MKNK2: variants seen among roughly 807,000 people sequenced by gnomAD.
MKNK2 encodes the protein MAPK interacting serine/threonine kinase 2.
MKNK2 carries 54 observed loss-of-function variants against 55.0 expected under a neutral mutation model. That is an observed-to-expected ratio of 0.98 (90% CI 0.79 to 1.23). The LOEUF is 1.23. MKNK2 is among the 50% of genes most tolerant of loss of function. The pLI is 0.00. For missense variants in MKNK2, 685 were observed against 632.1 expected (o/e 1.08, Z -0.90); for synonymous variants, 323 against 256.0 (o/e 1.26, Z -2.50).
chr19:2,040,124 C>A lies in MKNK2; in HGVS notation c.1154+10G>T. 1 of 1,588,014 alleles carries A rather than the reference C, an allele frequency of 6.3e-7. No individual in the cohort carries two copies. ...GACTCAGGGGTCCCGAGCACCCCTG[C>A]GGGCCTTACCTCTGCAGGACCATGG... On this transcript the variant is annotated intron_variant, in intron 13 of 13. Transcript: ENST00000250896.
At chr19:2,049,343 A>G (rs140999498) in intron 2 of MKNK2, among the ~76,000 whole-genome samples, 1 of 152,288 alleles carries the variant, frequency 6.6e-6, no homozygotes, top group African/African-American at 2.4e-5. Context: ...GGTGGCCCCA[A>G]TCCAGGGAGC....
chr19:2,037,951 G>T lies in MKNK2; in HGVS notation c.*1662C>A. On this transcript the variant is annotated 3_prime_UTR_variant, in exon 14 of 14. Coordinates refer to ENST00000250896, the MANE Select transcript of MKNK2 (RefSeq NM_199054.3). Reference sequence around the variant, plus strand: ...ATTTGCTTGTTCTTTGATACAAAAAGGCAGAGAATCCCCCGTTACGAAACA... The same window carrying T: ...ATTTGCTTGTTCTTTGATACAAAAATGCAGAGAATCCCCCGTTACGAAACA... 3 of 1,390,828 alleles carry T rather than the reference G, an allele frequency of 2.2e-6. No individual in the cohort carries two copies. In the South Asian group the frequency reaches 5.0e-5, roughly 23 times the overall value. 86.2% of individuals were successfully genotyped at this position (1,390,828 alleles called of 1,614,324 possible).
chr19:2,047,087 A>C (rs1271101284), intron 2 of MKNK2, among the ~76,000 whole-genome samples: 2 of 152,222 alleles, frequency 1.3e-5, no homozygotes, highest in Non-Finnish European at 2.9e-5. Context: ...GGTGTGGGCC[A>C]CATGTGGAAG....
intron 2 of MKNK2, among the ~76,000 whole-genome samples, chr19:2,049,002 C>G (rs377423182): frequency 6.6e-6 from 1 of 152,186 alleles, no homozygotes; most frequent in African/African-American, 2.4e-5. Flanking sequence ...GCCCCCAACT[C>G]GTGGGAGCTC....
chr19:2,040,651 C>T (rs1861152), intron 12 of MKNK2: 44,551 of 289,352 alleles, frequency 0.15, 3,768 homozygotes, highest in Admixed American at 0.18. Context: ...GAGAAACACC[C>T]GACTCCTCCT....
rs979768773 is a variant in MKNK2, at chr19:2,039,473, AC to A, written c.*139del. The A allele has an allele frequency of 2.1e-6, 3 of 1,401,790 alleles. No individual in the cohort carries two copies. Among genetic ancestry groups the A allele is most frequent in the South Asian group, 1.7e-5 (1 of 60,250 alleles). The allele number at this position is 1,401,790 out of a possible 1,614,324, so 86.8% of individuals were successfully genotyped here. Reference sequence around the variant, plus strand: ...CAAAAGCAAAAACCTTCTATAAAACACCCCCCTCAGCTGAGCTTAGTGCCTG... The same window carrying A: ...CAAAAGCAAAAACCTTCTATAAAACACCCCCTCAGCTGAGCTTAGTGCCTG... On this transcript the variant is annotated 3_prime_UTR_variant, in exon 14 of 14. Transcript: ENST00000250896.
chr19:2,041,341 G>T, intron 11 of MKNK2, 137 bp from the exon 12 acceptor site: 1 of 850,022 alleles, frequency 1.2e-6, no homozygotes, highest in Non-Finnish European at 1.8e-6. Flanking sequence ...AGAGGGGGCT[G>T]GGAGCCGGAC....
chr19:2,046,318 T>C, intron 4 of MKNK2, 35 bp from the exon 5 acceptor site: 1 of 1,603,530 alleles, frequency 6.2e-7, no homozygotes, highest in Non-Finnish European at 8.5e-7. Flanking sequence ...AGAGGGACCC[T>C]GGCTTTTCCC....
In MKNK2 at chr19:2,038,734, G is replaced by A; in HGVS notation, c.*879C>T. 1 of 985,600 alleles carries A rather than the reference G, an allele frequency of 1.0e-6. No individual in the cohort carries two copies. Among genetic ancestry groups the A allele is most frequent in the Non-Finnish European group, 1.2e-6 (1 of 829,970 alleles). The allele number at this position is 985,600 out of a possible 1,614,324, so 61.1% of individuals were successfully genotyped here. On this transcript the variant is annotated 3_prime_UTR_variant, in exon 14 of 14. Coordinates refer to ENST00000250896, the MANE Select transcript of MKNK2 (RefSeq NM_199054.3). Reference sequence around the variant, plus strand: ...AGAAGGGGCACTCGGGTGCCCCAAGGGGGTGTCTTCAGGACCCCCCACATT... The same window carrying A: ...AGAAGGGGCACTCGGGTGCCCCAAGAGGGTGTCTTCAGGACCCCCCACATT...
At position 2,041,833 on chromosome 19, in the gene MKNK2, G is replaced by A. The variant is rs2016890921; in HGVS notation, c.945+7C>T. On this transcript the variant is annotated splice_region_variant and intron_variant, in intron 11 of 13. Coordinates refer to ENST00000250896, the MANE Select transcript of MKNK2 (RefSeq NM_199054.3). The stretch of plus-strand genomic sequence containing the variant: ...CCCAGGAGAGGAGGGTGCGCGGGCC[G>A]CCGCACCTGGCAGGCAGGGCAGGCC... 11 of 1,510,410 alleles carry A rather than the reference G, an allele frequency of 7.3e-6. No individual in the cohort carries two copies. Among genetic ancestry groups the A allele is most frequent in the Non-Finnish European group, 9.7e-6 (11 of 1,129,582 alleles). The allele number at this position is 1,510,410 out of a possible 1,614,324, so 93.6% of individuals were successfully genotyped here.
chr19:2,050,801 C>T lies in MKNK2; in HGVS notation c.51G>A (p.Lys17=). Residue 17 remains lysine (K), a splice_region_variant and synonymous_variant, in exon 2 of 14, where the codon AAG becomes AAA. Coordinates refer to ENST00000250896, the MANE Select transcript of MKNK2 (RefSeq NM_199054.3). ...AELQGFHRSF[K]GQNPFELAFS... is the part of the protein sequence containing the mutation. ...CCCCCAAACCGACCCCGGGCCTCACCTTGAACGAACGGTGGAAACCCTGAA... is the reference window on the plus strand; with the variant it reads ...CCCCCAAACCGACCCCGGGCCTCACTTTGAACGAACGGTGGAAACCCTGAA... 6.5e-7 allele frequency: 1 copy of T among 1,537,700 alleles called. No individual in the cohort carries two copies.
Position 2,050,824 on chromosome 19 carries a change from G to GC in MKNK2, c.27_28insG (p.Gln10AlafsTer28), listed in dbSNP as rs1363503368. 1.6e-5 allele frequency: 25 copies of GC among 1,537,398 alleles called. No homozygotes were observed. Among genetic ancestry groups the GC allele is most frequent in the Admixed American group, 8.0e-5 (4 of 50,266 alleles). ...ACCTTGAACGAACGGTGGAAACCCT[G>GC]AAGTTCGGCTGGTTTCTTCTGCACC... On this transcript the variant is annotated frameshift_variant, in exon 2 of 14. Coordinates refer to ENST00000250896, the MANE Select transcript of MKNK2 (RefSeq NM_199054.3). LOFTEE classifies it high-confidence loss of function.
intron 11 of MKNK2, 100 bp from the exon 12 acceptor site, chr19:2,041,304 A>G: frequency 7.5e-7 from 1 of 1,340,840 alleles, no homozygotes; most frequent in Admixed American, 2.0e-5. Flanking sequence ...GCCCTAGACC[A>G]GGCCCTAGAC....
chr19:2,042,198 C>T (rs561944084), intron 10 of MKNK2, 164 bp from the exon 11 acceptor site: 3 of 744,766 alleles, frequency 4.0e-6, no homozygotes, highest in African/African-American at 3.8e-5. Context: ...TCAGCAGGTG[C>T]AGAGCTCGCC....
chr19:2,050,376 G>A lies in MKNK2; in HGVS notation c.51+425C>T, dbSNP rs532158423. Among the ~76,000 whole-genome samples, 12 of 152,332 alleles carry A rather than the reference G, an allele frequency of 7.9e-5. No individual in the cohort carries two copies. The East Asian group carries it at 2.3e-3, about 29-fold the overall frequency. On this transcript the variant is annotated intron_variant, in intron 2 of 13. Transcript: ENST00000250896. ...GGAGGTGGGAATGGGACTGTGGCCC[G>A]CTGACCCGTCCCCACCAGGGCACAA...
At position 2,043,594 on chromosome 19, in the gene MKNK2, G is replaced by A. The variant is rs777090915; in HGVS notation, c.340-12C>T. ...TGCTTCTCAATGATCTGAAACAGGC[G>A]AAAGGACACAGCACCTGGGTTGGTG... On this transcript the variant is annotated splice_polypyrimidine_tract_variant and intron_variant, in intron 5 of 13. Transcript: ENST00000250896. 17 of 1,613,288 alleles carry A rather than the reference G, an allele frequency of 1.1e-5. No individual in the cohort carries two copies. Among genetic ancestry groups the A allele is most frequent in the African/African-American group, 9.3e-5 (7 of 74,886 alleles).
intron 5 of MKNK2, among the ~76,000 whole-genome samples, chr19:2,045,587 G>A (rs868162706): frequency 2.0e-5 from 3 of 152,160 alleles, no homozygotes; most frequent in Admixed American, 6.5e-5. Context: ...GGCTCCTGGC[G>A]AGCCCTGCTC....
rs149785198 is a variant in MKNK2 at position 2,046,609 on chromosome 19, C to G, written c.134G>C (p.Arg45Pro). Reference protein sequence around the residue: ...DSDFGLQCSARPDMPASQPID... With the variant: ...DSDFGLQCSAPPDMPASQPID... ...CTCCCCCTCGGGCCCCTCACCAGGG[C>G]GGGCTGAGCACTGCAGGCCAAAGTC... Residue 45 changes from arginine to proline, a missense_variant, in exon 3 of 14, where the codon CGC (arginine) becomes CCC (proline). Physicochemically the swap from Arg to Pro is moderately radical, Grantham distance 103 (BLOSUM62 -2). Coordinates refer to ENST00000250896, the MANE Select transcript of MKNK2 (RefSeq NM_199054.3). 15 of 1,566,130 alleles carry G rather than the reference C, an allele frequency of 9.6e-6. No homozygotes were observed. The highest frequency in any genetic ancestry group is 1.2e-5 in the South Asian group (1 of 85,296).
Position 2,042,445 on chromosome 19 carries a change from G to C in MKNK2, c.732C>G (p.Thr244=), listed in dbSNP as rs779476410. The C allele has an allele frequency of 6.3e-7, 1 of 1,584,672 alleles. No homozygotes were observed. Among genetic ancestry groups the C allele is most frequent in the African/African-American group, 1.3e-5 (1 of 74,708 alleles). The change falls in exon 10 of 14, where the codon ACC becomes ACG. Residue 244 remains threonine, a synonymous_variant. Coordinates refer to ENST00000250896, the MANE Select transcript of MKNK2 (RefSeq NM_199054.3). ...CCCTCACCGGAGTGAGCAGCTCCGG[G>C]GTGGAGATAGGGGAGCAGTCCCCGT... ...KLNGDCSPIS[T]PELLTPCGSA... is the part of the protein sequence containing the mutation.
Sources: allele counts gnomAD v4.1 joint callset (sites outside exome capture counted in the v4.1 genomes callset), GRCh38; gene constraint gnomAD v4.1.1; transcripts MANE v1.5; gene names NCBI Gene and HGNC (gene_info 2026-07-23, HGNC 2026-07-21).